ANKRD2: variants seen among roughly 807,000 people sequenced by gnomAD.
The protein encoded by ANKRD2 is ankyrin repeat domain 2, also known as ankyrin repeat domain-containing protein 2.
In ANKRD2, 35 loss-of-function variants were observed where a neutral mutation model predicts 37.3. That is an observed-to-expected ratio of 0.94 (90% CI 0.72 to 1.24). The LOEUF (loss-of-function observed/expected upper bound fraction) is 1.24, where lower values mean the gene tolerates loss of function less well. Among genes scored for constraint, ANKRD2 ranks in the 50% most tolerant of loss-of-function variants. The probability of loss-of-function intolerance (pLI) is 0.00; values close to 1 mark genes in which losing one functional copy is unlikely to be tolerated. For synonymous variants in ANKRD2, 159 were observed against 186.5 expected, an observed-to-expected ratio of 0.85 and a Z score of 1.20; for missense variants, 410 against 445.6, an observed-to-expected ratio of 0.92 and a Z score of 0.72.
intron 5 of ANKRD2, 90 bp downstream of exon 5, chr10:97,581,043 G>A: frequency 1.6e-6 from 2 of 1,226,418 alleles, no homozygotes; most frequent in Non-Finnish European, 2.3e-6. Flanking sequence ...CCAACCTGAA[G>A]CATAAACAGG....
rs780497826 is a variant in ANKRD2, at chr10:97,578,355, C to T, written c.305C>T (p.Ala102Val). 6.2e-7 allele frequency: 1 copy of T among 1,613,590 alleles called. No homozygotes were observed. Among genetic ancestry groups the T allele is most frequent in the African/African-American group, 1.3e-5 (1 of 74,868 alleles). Residue 102 changes from alanine to valine, a missense_variant, in exon 3 of 9, where the codon GCT (alanine) becomes GTT (valine). Ala to Val is a moderately conservative substitution (Grantham distance 64, BLOSUM62 0). Coordinates refer to ENST00000370655, the MANE Select transcript of ANKRD2 (RefSeq NM_001346793.2). ...RKKRKQKKRDALAASHEPPPE... is the reference protein window; with the variant it reads ...RKKRKQKKRDVLAASHEPPPE... ...AAACGCAAGCAGAAGAAGCGGGACG[C>T]TCTGGCCGCCTCGCATGAGCCGCCC...
intron 1 of ANKRD2, among the ~76,000 whole-genome samples, chr10:97,576,157 G>A (rs1195173079): frequency 6.6e-6 from 1 of 152,204 alleles, no homozygotes; most frequent in Non-Finnish European, 1.5e-5. Flanking sequence ...CCACCCTGAA[G>A]GAGCAAATGC....
Position 97,581,393 on chromosome 10 carries a change from A to C in ANKRD2, c.633A>C (p.Ala211=). The change falls in exon 6 of 9, where the codon GCA becomes GCC. Residue 211 remains alanine (A), a synonymous_variant. Transcript: ENST00000370655. The stretch of plus-strand genomic sequence containing the variant: ...TGAAACTTCTGCAAAGCCATGGAGC[A>C]GACACCAATGTGAGGGATAAGGTGA... ...EVVKLLQSHG[A]DTNVRDKLLS... is the part of the protein sequence containing the mutation. 1 of 1,614,204 alleles carries C rather than the reference A, an allele frequency of 6.2e-7. No homozygotes were observed. Among genetic ancestry groups the C allele is most frequent in the Non-Finnish European group, 8.5e-7 (1 of 1,180,010 alleles).
Position 97,583,813 on chromosome 10 carries a change from C to G in ANKRD2, c.*88C>G. 7.3e-7 allele frequency: 1 copy of G among 1,373,268 alleles called. No individual in the cohort carries two copies. Among genetic ancestry groups the G allele is most frequent in the Non-Finnish European group, 9.5e-7 (1 of 1,052,622 alleles). The allele number at this position is 1,373,268 out of a possible 1,614,324, so 85.1% of individuals were successfully genotyped here. A position where few individuals can be genotyped will look rare whatever the true frequency, so the allele number is the denominator to read the frequency against. ...AATGGCTCCCGGAGCTAACTGAGGGCCCAGCCTTTTTTCTGCATGATCCAG... is the reference window on the plus strand; with the variant it reads ...AATGGCTCCCGGAGCTAACTGAGGGGCCAGCCTTTTTTCTGCATGATCCAG... On this transcript the variant is annotated 3_prime_UTR_variant, in exon 9 of 9. Transcript: ENST00000370655.
At position 97,583,556 on chromosome 10, in the gene ANKRD2, C is replaced by T. The variant is rs1419859866; in HGVS notation, c.853-20C>T. 11 of 1,575,588 alleles carry T rather than the reference C, an allele frequency of 7.0e-6. No homozygotes were observed. The highest frequency in any genetic ancestry group is 1.4e-5 in the African/African-American group (1 of 73,512). Reference sequence around the variant, plus strand: ...AGATTTTCTCTTGCCAACCCCCACGCCCCGTCCCGCCCCCTCCAGGCAGGA... The same window carrying T: ...AGATTTTCTCTTGCCAACCCCCACGTCCCGTCCCGCCCCCTCCAGGCAGGA... On this transcript the variant is annotated intron_variant, in intron 8 of 8. Transcript: ENST00000370655.
Position 97,578,569 on chromosome 10 carries a change from C to A in ANKRD2, c.420C>A (p.Phe140Leu), listed in dbSNP as rs1484931379. 1 of 1,565,150 alleles carries A rather than the reference C, an allele frequency of 6.4e-7. No homozygotes were observed. Among genetic ancestry groups the A allele is most frequent in the Non-Finnish European group, 8.7e-7 (1 of 1,154,522 alleles). ...VEGKMKVIEKFLADGGSADTC... is the reference protein window; with the variant it reads ...VEGKMKVIEKLLADGGSADTC... ...GGAAAATGAAGGTCATTGAGAAGTT[C>A]CTGGCTGACGGGGGGTCAGCCGACA... is the stretch of plus-strand genomic sequence containing the variant. The change falls in exon 4 of 9, where the codon TTC becomes TTA. Residue 140 changes from phenylalanine to leucine, a missense_variant. Phe to Leu is a conservative substitution (Grantham distance 22, BLOSUM62 0). Coordinates refer to ENST00000370655, the MANE Select transcript of ANKRD2 (RefSeq NM_001346793.2).
chr10:97,577,571 C>T (rs566579146), intron 1 of ANKRD2, among the ~76,000 whole-genome samples: 1 of 152,290 alleles, frequency 6.6e-6, no homozygotes, highest in South Asian at 2.1e-4. Context: ...AGTTAGTGGG[C>T]AGGTGTCTGA....
Position 97,577,790 on chromosome 10 carries a change from G to T in ANKRD2, c.88-10G>T. ...GGGTCCTGGAGAAGGTGCCCTCTTT[G>T]GATCACCAGAAACTCCGAGGAGACG... On this transcript the variant is annotated splice_polypyrimidine_tract_variant and intron_variant, in intron 1 of 8. Coordinates refer to ENST00000370655, the MANE Select transcript of ANKRD2 (RefSeq NM_001346793.2). The T allele has an allele frequency of 6.4e-7, 1 of 1,550,482 alleles. No homozygotes were observed. Among genetic ancestry groups the T allele is most frequent in the Non-Finnish European group, 8.7e-7 (1 of 1,146,318 alleles).
chr10:97,572,720 C>A (rs1484579239), upstream of ANKRD2: 1 of 1,604,806 alleles, frequency 6.2e-7, no homozygotes, highest in Admixed American at 1.7e-5. Flanking sequence ...GGCAAAGGCG[C>A]CCAGCTGGGC....
chr10:97,572,520 A>G (rs2040769880), upstream of ANKRD2: 1 of 701,196 alleles, frequency 1.4e-6, no homozygotes, highest in Non-Finnish European at 2.3e-6. Context: ...AGTGCTCAGG[A>G]CAGAGGCTGG....
chr10:97,576,970 T>C (rs1323027708), intron 1 of ANKRD2, among the ~76,000 whole-genome samples: 2 of 151,822 alleles, frequency 1.3e-5, no homozygotes, highest in Non-Finnish European at 2.9e-5. Context: ...AGTGCTTGGA[T>C]TATAGGCGTG....
At chr10:97,572,980 G>C (rs1352068260) in intron 1 of ANKRD2, 105 bp downstream of exon 1, 89 of 1,421,144 alleles carry the variant, frequency 6.3e-5, no homozygotes, top group Non-Finnish European at 8.3e-5. Flanking sequence ...GAGGGGGGCA[G>C]ATGTCCCCAG....
rs1182890205 is a variant in ANKRD2 at position 97,582,392 on chromosome 10, G to C, written c.732G>C (p.Leu244=). 2 of 1,564,262 alleles carry C rather than the reference G, an allele frequency of 1.3e-6. No individual in the cohort carries two copies. Among genetic ancestry groups the C allele is most frequent in the African/African-American group, 2.7e-5 (2 of 73,604 alleles). The change falls in exon 7 of 9, where the codon CTG becomes CTC. Residue 244 remains leucine, a synonymous_variant. Coordinates refer to ENST00000370655, the MANE Select transcript of ANKRD2 (RefSeq NM_001346793.2). ...EIVEHFLSLG[L]EINARDREGD... ...TGGAGCACTTTCTATCCCTGGGCCTGGAAATCAATGCCAGAGACAGGGTGA... is the reference window on the plus strand; with the variant it reads ...TGGAGCACTTTCTATCCCTGGGCCTCGAAATCAATGCCAGAGACAGGGTGA...
At chr10:97,576,568 G>A (rs1256220859) in intron 1 of ANKRD2, among the ~76,000 whole-genome samples, 1 of 151,966 alleles carries the variant, frequency 6.6e-6, no homozygotes, top group Non-Finnish European at 1.5e-5. Flanking sequence ...ATCTAACAAA[G>A]AGCTGCCAAA....
rs1352197817 is a variant in ANKRD2, at chr10:97,583,790, T to C, written c.*65T>C. The C allele has an allele frequency of 1.4e-6, 2 of 1,424,934 alleles. No homozygotes were observed. Among genetic ancestry groups the C allele is most frequent in the Non-Finnish European group, 1.8e-6 (2 of 1,087,176 alleles). The allele number at this position is 1,424,934 out of a possible 1,614,324, so 88.3% of individuals were successfully genotyped here. On this transcript the variant is annotated 3_prime_UTR_variant, in exon 9 of 9. Transcript: ENST00000370655. ...GTGTGCAGCCGGAGGGTCCTAAGAA[T>C]GGCTCCCGGAGCTAACTGAGGGCCC...
At chr10:97,578,456 G>T (rs1454444617) in intron 3 of ANKRD2, 42 bp from the exon 4 acceptor site, 1 of 1,603,846 alleles carries the variant, frequency 6.2e-7, no homozygotes, top group South Asian at 1.1e-5. Flanking sequence ...GGAGGCTTCG[G>T]ATTGCTGGGA....
At chr10:97,578,039 G>C in intron 2 of ANKRD2, 138 bp downstream of exon 2, 7 of 1,079,398 alleles carry the variant, frequency 6.5e-6, no homozygotes, top group Non-Finnish European at 9.1e-6. Flanking sequence ...CAGAATCTCC[G>C]CCCCGTCCCA....
chr10:97,575,217 C>A (rs2135698733), intron 1 of ANKRD2, among the ~76,000 whole-genome samples: 1 of 152,260 alleles, frequency 6.6e-6, no homozygotes, highest in East Asian at 1.9e-4. Context: ...TTGTCTCTAC[C>A]AGGCCCCAGC....
chr10:97,574,128 A>G (rs935535635), intron 1 of ANKRD2, among the ~76,000 whole-genome samples: 2 of 152,178 alleles, frequency 1.3e-5, no homozygotes, highest in Non-Finnish European at 2.9e-5. Context: ...TCTACTAAAA[A>G]TACAATTAGC....
Sources: allele counts gnomAD v4.1 joint callset (sites outside exome capture counted in the v4.1 genomes callset), GRCh38; gene constraint gnomAD v4.1.1; transcripts MANE v1.5; gene names NCBI Gene and HGNC (gene_info 2026-07-23, HGNC 2026-07-21).